Variants in TDRD7 observed in about 807,000 individuals in gnomAD.
TDRD7 encodes the protein tudor domain containing 7, also known as tudor domain-containing protein 7.
TDRD7 carries 47 observed loss-of-function variants against 109.8 expected under a neutral mutation model. That is an observed-to-expected ratio of 0.43 (90% confidence interval 0.34 to 0.55). TDRD7 has a LOEUF of 0.55. Among genes scored for constraint, TDRD7 ranks in the 20% least tolerant of loss-of-function variants. The probability of loss-of-function intolerance (pLI) is 0.03; values close to 1 mark genes in which losing one functional copy is unlikely to be tolerated. For synonymous variants in TDRD7, 424 were observed against 457.3 expected (o/e 0.93, Z 0.93); for missense variants, 1,164 against 1,319.2 (o/e 0.88, Z 1.82).
At chr9:97,444,753 A>T (rs554758793) in intron 6 of TDRD7, among the ~76,000 whole-genome samples, 2 of 152,302 alleles carry the variant, frequency 1.3e-5, no homozygotes, top group Admixed American at 6.5e-5. Context: ...ATATTAAAAG[A>T]TTGAAAAATA....
At chr9:97,474,164 A>T (rs536850258) in intron 11 of TDRD7, among the ~76,000 whole-genome samples, 7 of 152,144 alleles carry the variant, frequency 4.6e-5, no homozygotes, top group Non-Finnish European at 1.0e-4. Flanking sequence ...TAAGCTCCTT[A>T]TCCTTTAATT....
chr9:97,428,548 A>C lies in TDRD7; in HGVS notation c.83A>C (p.Gln28Pro), dbSNP rs578081220. 2.5e-6 allele frequency: 4 copies of C among 1,614,112 alleles called. No individual in the cohort carries two copies. In the East Asian group the frequency reaches 8.9e-5, roughly 36 times the overall value. ...HKNGVALPRL[Q>P]GEYRSLTGDW... ...AATGGAGTAGCATTACCCCGGCTCC[A>C]AGGAGAGTACAGATCCTTGACTGGA... The change falls in exon 2 of 17, where the codon CAA becomes CCA. Residue 28 changes from glutamine to proline, a missense_variant. Coordinates refer to ENST00000355295, the MANE Select transcript of TDRD7 (RefSeq NM_014290.3).
chr9:97,447,751 A>C lies in TDRD7; in HGVS notation c.855+5876A>C, dbSNP rs567536838. On this transcript the variant is annotated intron_variant, in intron 6 of 16. Coordinates refer to ENST00000355295, the MANE Select transcript of TDRD7 (RefSeq NM_014290.3). ...AGAGCAAGGAATAATGAGAGCAAGGAATGTGTCCAATGCACATTGAAAGCC... is the reference window on the plus strand; with the variant it reads ...AGAGCAAGGAATAATGAGAGCAAGGCATGTGTCCAATGCACATTGAAAGCC... Among the ~76,000 whole-genome samples the C allele has an allele frequency of 4.6e-5, 7 of 152,320 alleles. No homozygotes were observed. The South Asian group carries it at 1.5e-3, about 32-fold the overall frequency.
intron 7 of TDRD7, among the ~76,000 whole-genome samples, chr9:97,462,373 G>A (rs970099711): frequency 1.3e-5 from 2 of 152,214 alleles, no homozygotes; most frequent in Admixed American, 6.5e-5. Flanking sequence ...AGCATTTTAT[G>A]TGTTCAGCAG....
At chr9:97,429,507 G>A (rs566064960) in intron 2 of TDRD7, among the ~76,000 whole-genome samples, 168 of 152,278 alleles carry the variant, frequency 1.1e-3, no homozygotes, top group African/African-American at 3.9e-3. Flanking sequence ...TTTTCTATAT[G>A]GGGGGATGAG....
Position 97,437,540 on chromosome 9 carries a change from GCA to G in TDRD7, c.564-1704_564-1703del, listed in dbSNP as rs1252849207. ...CCTTGAAGTCTTCTATTGATTAGAA[GCA>G]GGTTACTCAAGGGGAAGGGATTACA... On this transcript the variant is annotated intron_variant, in intron 4 of 16. Transcript: ENST00000355295. Among the ~76,000 whole-genome samples, 6 of 152,284 alleles carry G rather than the reference GCA, an allele frequency of 3.9e-5. No homozygotes were observed. The East Asian group carries it at 1.2e-3, about 29-fold the overall frequency.
chr9:97,424,921 C>G (rs1449304457), intron 1 of TDRD7, among the ~76,000 whole-genome samples: 1 of 150,834 alleles, frequency 6.6e-6, no homozygotes, highest in Non-Finnish European at 1.5e-5. Context: ...TACATTTTAC[C>G]TTTACTACTG....
chr9:97,428,694 T>C (rs763496740), intron 2 of TDRD7, 22 bp downstream of exon 2: 1 of 1,607,672 alleles, frequency 6.2e-7, no homozygotes. Context: ...ATTGTGCGTG[T>C]CAGAAGAATC....
At chr9:97,422,054 T>C (rs1452035383) in intron 1 of TDRD7, among the ~76,000 whole-genome samples, 1 of 152,216 alleles carries the variant, frequency 6.6e-6, no homozygotes, top group Non-Finnish European at 1.5e-5. Flanking sequence ...TTACTAGCAC[T>C]GTTCATTGAA....
At chr9:97,460,090 G>A in intron 6 of TDRD7, 88 bp from the exon 7 acceptor site, 1 of 1,131,740 alleles carries the variant, frequency 8.8e-7, no homozygotes, top group Non-Finnish European at 1.3e-6. Context: ...GAAACAGCAT[G>A]ACTCTCAAAT....
chr9:97,482,802 T>G (rs373948152), intron 14 of TDRD7, 47 bp from the exon 15 acceptor site: 10 of 1,603,640 alleles, frequency 6.2e-6, no homozygotes, highest in Non-Finnish European at 8.5e-6. Context: ...CTCTCAAAAT[T>G]TAATGTGAAC....
chr9:97,491,947 T>A (rs963475840), intron 16 of TDRD7, among the ~76,000 whole-genome samples: 18 of 152,306 alleles, frequency 1.2e-4, no homozygotes, highest in African/African-American at 4.3e-4. Flanking sequence ...ATAACTGGGT[T>A]CCCCTGGAGT....
intron 1 of TDRD7, among the ~76,000 whole-genome samples, chr9:97,418,983 A>T (rs1446719942): frequency 6.6e-6 from 1 of 152,174 alleles, no homozygotes; most frequent in Non-Finnish European, 1.5e-5. Flanking sequence ...CTTCTTACTG[A>T]AACTCTGGCA....
intron 6 of TDRD7, among the ~76,000 whole-genome samples, chr9:97,448,599 G>A (rs920521167): frequency 2.0e-5 from 3 of 152,150 alleles, no homozygotes; most frequent in African/African-American, 7.2e-5. Context: ...CTGAAGTCAA[G>A]TTTTAAAATG....
In TDRD7 at chr9:97,460,282, A is replaced by C. The variant is rs1267262490; in HGVS notation, c.960A>C (p.Pro320=). 5.0e-6 allele frequency: 8 copies of C among 1,614,096 alleles called. No individual in the cohort carries two copies. Among genetic ancestry groups the C allele is most frequent in the Non-Finnish European group, 6.8e-6 (8 of 1,180,052 alleles). Residue 320 remains proline (P), a synonymous_variant, in exon 7 of 17, where the codon CCA becomes CCC. Transcript: ENST00000355295. ...ATACTGAGAAAGTACCTCTATCCCC[A>C]CTACCTGGTCCCAAACAAACACCAC... The part of the protein sequence containing the change: ...ELDTEKVPLS[P]LPGPKQTPPL...
intron 8 of TDRD7, among the ~76,000 whole-genome samples, chr9:97,466,183 A>G (rs760619544): frequency 3.9e-4 from 59 of 152,298 alleles, no homozygotes; most frequent in South Asian, 8.3e-4. Context: ...GCTTAAGTCC[A>G]TCAGTTACTG....
At chr9:97,468,756 G>A (rs1238303794) in intron 8 of TDRD7, among the ~76,000 whole-genome samples, 3 of 152,190 alleles carry the variant, frequency 2.0e-5, no homozygotes, top group Admixed American at 6.5e-5. Context: ...TGGGTGATAG[G>A]TAGTGCTGGG....
intron 1 of TDRD7, among the ~76,000 whole-genome samples, chr9:97,425,212 T>G (rs765697876): frequency 5.9e-5 from 9 of 152,214 alleles, no homozygotes; most frequent in Non-Finnish European, 8.8e-5. Context: ...AAGTGCTACA[T>G]ATAAAATGAG....
At chr9:97,413,273 G>C (rs1185569727) in intron 1 of TDRD7, among the ~76,000 whole-genome samples, 1 of 152,244 alleles carries the variant, frequency 6.6e-6, no homozygotes, top group Non-Finnish European at 1.5e-5. Context: ...GTGTATGAAT[G>C]TGTTGCATAC....
Sources: allele counts gnomAD v4.1 joint callset (sites outside exome capture counted in the v4.1 genomes callset), GRCh38; gene constraint gnomAD v4.1.1; transcripts MANE v1.5; gene names NCBI Gene and HGNC (gene_info 2026-07-23, HGNC 2026-07-21).